CEP126: variants seen among roughly 807,000 people sequenced by gnomAD.
The protein encoded by CEP126 is centrosomal protein of 126 kDa.
In CEP126, 74 loss-of-function variants were observed where a neutral mutation model predicts 107.8. The observed-to-expected ratio is 0.69, with a 90% CI of 0.57 to 0.83. The LOEUF is 0.83. Ranked by LOEUF, CEP126 falls within the 40% of genes least tolerant of loss-of-function variation. The probability of loss-of-function intolerance (pLI) is 0.00; values close to 1 mark genes in which losing one functional copy is unlikely to be tolerated. For missense variants in CEP126, 1,237 were observed against 1,281.9 expected, an observed-to-expected ratio of 0.96 and a Z score of 0.53; for synonymous variants, 449 against 446.0, an observed-to-expected ratio of 1.01 and a Z score of -0.08.
At chr11:101,971,008 C>T (rs1163260129) in intron 6 of CEP126, among the ~76,000 whole-genome samples, 1 of 152,266 alleles carries the variant, frequency 6.6e-6, no homozygotes, top group South Asian at 2.1e-4. Context: ...AAGGGTCTCA[C>T]TCTGTCACCC....
chr11:101,963,234 A>C lies in CEP126; in HGVS notation c.2199A>C (p.Glu733Asp). 1 of 1,614,062 alleles carries C rather than the reference A, an allele frequency of 6.2e-7. No individual in the cohort carries two copies. The highest frequency in any genetic ancestry group is 8.5e-7 in the Non-Finnish European group (1 of 1,180,008). Residue 733 changes from glutamate to aspartate, a missense_variant, in exon 6 of 11, where the codon GAA becomes GAC. Glu to Asp is a conservative substitution (Grantham distance 45). Around this residue, in one of 3 missense-constraint regions of CEP126, gnomAD observed 1,134 missense variants for 1,150.5 expected, o/e 0.99. Coordinates refer to ENST00000263468, the MANE Select transcript of CEP126 (RefSeq NM_020802.4). ...CCTGGCCAGCCTCAAAAAAAGAAGAAAGTAAAATCCCTGTACATGATGATT... is the reference window on the plus strand; with the variant it reads ...CCTGGCCAGCCTCAAAAAAAGAAGACAGTAAAATCCCTGTACATGATGATT... ...KHAWPASKKE[E>D]SKIPVHDDSK... is the part of the protein sequence containing the mutation.
intron 9 of CEP126, among the ~76,000 whole-genome samples, chr11:101,990,098 T>G (rs554954075): frequency 6.7e-6 from 1 of 149,146 alleles, no homozygotes; most frequent in African/African-American, 2.6e-5. Context: ...TTCAACAGAT[T>G]GCTAAAAGAT....
intron 6 of CEP126, among the ~76,000 whole-genome samples, chr11:101,976,083 T>C (rs1384028946): frequency 6.6e-6 from 1 of 152,216 alleles, no homozygotes; most frequent in Non-Finnish European, 1.5e-5. Flanking sequence ...TTACATTTCT[T>C]CAGGTATATG....
At position 101,962,721 on chromosome 11, in the gene CEP126, G is replaced by A; in HGVS notation, c.1686G>A (p.Met562Ile). The A allele has an allele frequency of 6.2e-7, 1 of 1,612,932 alleles. No homozygotes were observed. Among genetic ancestry groups the A allele is most frequent in the Non-Finnish European group, 8.5e-7 (1 of 1,179,620 alleles). ...ACTTTGTTGGCCAGCATAAGAAAAT[G>A]AAATACAACATCCATGAGAGAAATG... Reference protein sequence around the residue: ...NYDFVGQHKKMKYNIHERNGV... With the variant: ...NYDFVGQHKKIKYNIHERNGV... Residue 562 changes from methionine (M) to isoleucine (I), a missense_variant, in exon 6 of 11, where the codon ATG (methionine) becomes ATA (isoleucine). This residue lies in a region of CEP126 where 1,134 missense variants were observed against 1,150.5 expected (regional missense o/e 0.99). Transcript: ENST00000263468.
intron 2 of CEP126, among the ~76,000 whole-genome samples, chr11:101,935,195 G>A (rs1039439634): frequency 5.9e-5 from 9 of 151,670 alleles, no homozygotes; most frequent in South Asian, 2.1e-4. Flanking sequence ...GTTGTTTGTC[G>A]TCTTCTTGTT....
At chr11:101,997,476 C>T (rs1436728710) in intron 10 of CEP126, 123 bp from the exon 11 acceptor site, 5 of 1,479,444 alleles carry the variant, frequency 3.4e-6, no homozygotes, top group Non-Finnish European at 4.6e-6. Flanking sequence ...ATCTTAAACT[C>T]ATTACCTGGG....
Position 101,960,638 on chromosome 11 carries a change from T to C in CEP126, c.706-1103T>C, listed in dbSNP as rs1269538669. On this transcript the variant is annotated intron_variant, in intron 5 of 10. Coordinates refer to ENST00000263468, the MANE Select transcript of CEP126 (RefSeq NM_020802.4). ...TTAAAACTTATTCCACAATACTAAA[T>C]CAATAAGAACTAACTATATAAATTA... Among the ~76,000 whole-genome samples the C allele has an allele frequency of 6.6e-5, 10 of 152,218 alleles. No homozygotes were observed. In the East Asian group the frequency reaches 1.9e-3, roughly 29 times the overall value.
At chr11:101,924,437 G>GTT (rs1565349190) in intron 2 of CEP126, among the ~76,000 whole-genome samples, 1 of 127,752 alleles carries the variant, frequency 7.8e-6, no homozygotes, top group East Asian at 2.6e-4. Flanking sequence ...TTGTTTTGGG[G>GTT]CTGTGTGTGT....
At chr11:101,950,175 T>C (rs1940791903) in intron 4 of CEP126, among the ~76,000 whole-genome samples, 1 of 152,140 alleles carries the variant, frequency 6.6e-6, no homozygotes, top group African/African-American at 2.4e-5. Flanking sequence ...CTGGCAACTT[T>C]TGTCAGACCA....
Position 101,961,904 on chromosome 11 carries a change from C to T in CEP126, c.869C>T (p.Ser290Leu), listed in dbSNP as rs1164874561. Reference sequence around the variant, plus strand: ...TCCCTCAAACCAGCAAATATGCAATCAACTAATCTCAGCTGCTTTGATGAA... The same window carrying T: ...TCCCTCAAACCAGCAAATATGCAATTAACTAATCTCAGCTGCTTTGATGAA... ...TISLKPANMQ[S>L]TNLSCFDEDK... is the part of the protein sequence containing the mutation. Residue 290 changes from serine to leucine, a missense_variant, in exon 6 of 11, where the codon TCA becomes TTA. This residue lies in a region of CEP126 where 1,134 missense variants were observed against 1,150.5 expected (regional missense o/e 0.99). Transcript: ENST00000263468. The T allele has an allele frequency of 1.2e-6, 2 of 1,612,808 alleles. No individual in the cohort carries two copies. Among genetic ancestry groups the T allele is most frequent in the African/African-American group, 2.7e-5 (2 of 74,876 alleles).
At chr11:101,971,114 C>T (rs991306145) in intron 6 of CEP126, among the ~76,000 whole-genome samples, 1 of 152,024 alleles carries the variant, frequency 6.6e-6, no homozygotes, top group Non-Finnish European at 1.5e-5. Flanking sequence ...ACCACAGGTG[C>T]GCACCACCAT....
At position 101,915,341 on chromosome 11, in the gene CEP126, A is replaced by G; in HGVS notation, c.57A>G (p.Ser19=). 3 of 1,613,974 alleles carry G rather than the reference A, an allele frequency of 1.9e-6. No homozygotes were observed. Among genetic ancestry groups the G allele is most frequent in the Non-Finnish European group, 2.5e-6 (3 of 1,179,990 alleles). The change falls in exon 1 of 11, where the codon TCA becomes TCG. Residue 19 remains serine, a synonymous_variant. Coordinates refer to ENST00000263468, the MANE Select transcript of CEP126 (RefSeq NM_020802.4). Reference sequence around the variant, plus strand: ...CGGTCGGGGAACTGGGCACTGAATCATCGGACAACCTCGACAGAGCCCCCC... The same window carrying G: ...CGGTCGGGGAACTGGGCACTGAATCGTCGGACAACCTCGACAGAGCCCCCC... The part of the protein sequence containing the change: ...RSAVGELGTE[S]SDNLDRAPLG...
At chr11:101,937,610 G>A (rs1209100441) in intron 2 of CEP126, among the ~76,000 whole-genome samples, 4 of 152,066 alleles carry the variant, frequency 2.6e-5, no homozygotes, top group Middle Eastern at 3.2e-3. Context: ...ATGTGTTGTC[G>A]GGTTTTGGAA....
At chr11:101,980,367 A>G (rs1941241600) in intron 7 of CEP126, among the ~76,000 whole-genome samples, 1 of 152,246 alleles carries the variant, frequency 6.6e-6, no homozygotes, top group African/African-American at 2.4e-5. Flanking sequence ...TTAATAACCA[A>G]GGAAACAAAC....
At chr11:101,975,698 A>G (rs1941185358) in intron 6 of CEP126, among the ~76,000 whole-genome samples, 1 of 152,234 alleles carries the variant, frequency 6.6e-6, no homozygotes, top group Non-Finnish European at 1.5e-5. Context: ...AAGTAAGCAT[A>G]GTACCTGGTA....
At chr11:101,957,568 A>T (rs1330611713) in intron 4 of CEP126, among the ~76,000 whole-genome samples, 1 of 152,008 alleles carries the variant, frequency 6.6e-6, no homozygotes, top group Admixed American at 6.6e-5. Context: ...TGGCATAAAA[A>T]CCATGCTTAT....
chr11:101,955,850 T>C (rs1296669789), intron 4 of CEP126: 1 of 456,154 alleles, frequency 2.2e-6, no homozygotes, highest in South Asian at 1.5e-5. Flanking sequence ...TGATCAACTG[T>C]CTCCTCCACG....
chr11:101,978,586 C>A, intron 7 of CEP126, 127 bp downstream of exon 7: 1 of 603,512 alleles, frequency 1.7e-6, no homozygotes, highest in Non-Finnish European at 2.9e-6. Context: ...ATAGCCAAAG[C>A]CATTTGTGAA....
chr11:101,944,346 G>A lies in CEP126; in HGVS notation c.330G>A (p.Lys110=), dbSNP rs376143192. ...AAATACTTCAACAAAGAAAACAGAAGTTTGAAGAAGTTACTGAAAAATTCC... is the reference window on the plus strand; with the variant it reads ...AAATACTTCAACAAAGAAAACAGAAATTTGAAGAAGTTACTGAAAAATTCC... The part of the protein sequence containing the change: ...REQILQQRKQ[K]FEEVTEKFQR... The change falls in exon 3 of 11, where the codon AAG becomes AAA. Residue 110 remains lysine, a synonymous_variant. Coordinates refer to ENST00000263468, the MANE Select transcript of CEP126 (RefSeq NM_020802.4). The A allele has an allele frequency of 1.3e-5, 21 of 1,611,668 alleles. No individual in the cohort carries two copies. The highest frequency in any genetic ancestry group is 4.0e-5 in the African/African-American group (3 of 74,764).
Sources: allele counts gnomAD v4.1 joint callset (sites outside exome capture counted in the v4.1 genomes callset), GRCh38; gene constraint gnomAD v4.1.1; regional missense constraint gnomAD v4.1.1; transcripts MANE v1.5; gene names NCBI Gene and HGNC (gene_info 2026-07-23, HGNC 2026-07-21).